Variants in SMARCAL1 observed in about 807,000 individuals in gnomAD.
SMARCAL1 encodes SNF2 related chromatin remodeling annealing helicase 1.
In SMARCAL1, 58 loss-of-function variants were observed where a neutral mutation model predicts 94.5. That is an observed-to-expected ratio of 0.61 (90% CI 0.50 to 0.76). The LOEUF is 0.76. Among genes scored for constraint, SMARCAL1 ranks in the 30% least tolerant of loss-of-function variants. The probability of loss-of-function intolerance (pLI) is 0.00; values close to 1 mark genes in which losing one functional copy is unlikely to be tolerated. For synonymous variants in SMARCAL1, 422 were observed against 455.1 expected (o/e 0.93, Z 0.93); for missense variants, 1,051 against 1,177.9 (o/e 0.89, Z 1.58).
At position 216,447,157 on chromosome 2, in the gene SMARCAL1, G is replaced by C; in HGVS notation, c.1850G>C (p.Arg617Pro). 6.2e-7 allele frequency: 1 copy of C among 1,613,920 alleles called. No individual in the cohort carries two copies. The highest frequency in any genetic ancestry group is 1.7e-5 in the Admixed American group (1 of 60,008). ...GGACTTCGCTACTGTGATGCCAAAC[G>C]GGTATGTATTATCTCTTCCCTCCCA... ...AFGLRYCDAK[R>P]MPWGWDYSGS... is the part of the protein sequence containing the mutation. The change falls in exon 11 of 18, where the codon CGG (arginine) becomes CCG (proline). Residue 617 changes from arginine to proline, a missense_variant and splice_region_variant. By Grantham distance (103) the Arg-to-Pro change is moderately radical. This residue lies in a region of SMARCAL1 where 642 missense variants were observed against 754.7 expected (regional missense o/e 0.85). Coordinates refer to ENST00000357276, the MANE Select transcript of SMARCAL1 (RefSeq NM_014140.4).
In SMARCAL1 at chr2:216,478,281, CACTGATT is replaced by C; in HGVS notation, c.2610_2616del (p.Asp871SerfsTer59). On this transcript the variant is annotated frameshift_variant, in exon 17 of 18. Coordinates refer to ENST00000357276, the MANE Select transcript of SMARCAL1 (RefSeq NM_014140.4). LOFTEE classifies it high-confidence loss of function. ...CCAATTTTTCAGAAATGACAGAATC[CACTGATT>C]ACCTCTACAAGGTAATGCCAGCACA... The C allele has an allele frequency of 6.2e-7, 1 of 1,613,444 alleles. No individual in the cohort carries two copies. The highest frequency in any genetic ancestry group is 8.5e-7 in the Non-Finnish European group (1 of 1,179,402).
chr2:216,451,989 T>C lies in SMARCAL1; in HGVS notation c.2070+925T>C, dbSNP rs115302937. 1.2e-3 allele frequency among the ~76,000 whole-genome samples: 183 copies of C among 152,352 alleles called. 1 individual carries two copies. Among genetic ancestry groups the C allele is most frequent in the African/African-American group, 4.2e-3 (176 of 41,574 alleles). On this transcript the variant is annotated intron_variant, in intron 12 of 17. Coordinates refer to ENST00000357276, the MANE Select transcript of SMARCAL1 (RefSeq NM_014140.4). Reference sequence around the variant, plus strand: ...TGACAAGAGACAGAATGCATGTTTTTCATGTTATTTTACCATGTGATGAGC... The same window carrying C: ...TGACAAGAGACAGAATGCATGTTTTCCATGTTATTTTACCATGTGATGAGC...
At chr2:216,477,080 C>T in intron 15 of SMARCAL1, 29 bp from the exon 16 acceptor site, 1 of 1,541,760 alleles carries the variant, frequency 6.5e-7, no homozygotes. Flanking sequence ...CAGGCCTTTA[C>T]CTGCCTGTCT....
Position 216,475,285 on chromosome 2 carries a change from G to T in SMARCAL1, c.2261G>T (p.Arg754Leu), listed in dbSNP as rs753533155. 3.7e-6 allele frequency: 6 copies of T among 1,614,154 alleles called. No individual in the cohort carries two copies. In the East Asian group the frequency reaches 1.3e-4, roughly 36 times the overall value. Residue 754 changes from arginine to leucine, a missense_variant, in exon 15 of 18, where the codon CGC becomes CTC. Physicochemically the swap from Arg to Leu is moderately radical, Grantham distance 102. Transcript: ENST00000357276. This position sits in a 1 kb window ranked among gnomAD's most constrained non-coding sequence, Gnocchi z 4.4. Reference sequence around the variant, plus strand: ...TTCCTGCAGCACGTGCAGCACATCCGCATCGATGGCTCCACCTCATCAGCT... The same window carrying T: ...TTCCTGCAGCACGTGCAGCACATCCTCATCGATGGCTCCACCTCATCAGCT... The part of the protein sequence containing the change: ...ELERKHVQHI[R>L]IDGSTSSAER...
intron 14 of SMARCAL1, among the ~76,000 whole-genome samples, chr2:216,469,763 G>T (rs1038629077): frequency 6.6e-5 from 10 of 152,268 alleles, no homozygotes; most frequent in South Asian, 2.1e-4. Flanking sequence ...CTCTTGCATG[G>T]TTATTAAATA....
chr2:216,440,530 T>A (rs1694175205), intron 10 of SMARCAL1, among the ~76,000 whole-genome samples: 1 of 152,204 alleles, frequency 6.6e-6, no homozygotes, highest in African/African-American at 2.4e-5. Flanking sequence ...GCTGTAGAAC[T>A]TGGATGAATT....
chr2:216,461,681 T>A (rs1041423016), intron 12 of SMARCAL1, among the ~76,000 whole-genome samples: 7 of 151,970 alleles, frequency 4.6e-5, no homozygotes, highest in African/African-American at 7.3e-5. Context: ...TCCAAAAAAA[T>A]TAGCTGGGCG....
At chr2:216,478,152 C>A in intron 16 of SMARCAL1, 51 bp from the exon 17 acceptor site, 2 of 1,423,520 alleles carry the variant, frequency 1.4e-6, no homozygotes, top group Non-Finnish European at 2.0e-6. Flanking sequence ...TTTCATTAGT[C>A]TGGTGGTTCT....
rs1175679788 is a variant in SMARCAL1 at position 216,451,011 on chromosome 2, A to G, written c.2017A>G (p.Thr673Ala). Residue 673 changes from threonine to alanine, a missense_variant, in exon 12 of 18, where the codon ACC (threonine) becomes GCC (alanine). Physicochemically the swap from Thr to Ala is moderately conservative, Grantham distance 58. Coordinates refer to ENST00000357276, the MANE Select transcript of SMARCAL1 (RefSeq NM_014140.4). ...TGCCCCAGGACGGATCAATGCCAGGACCAGAGCTGCCCTGGATGCTGCAGC... is the reference window on the plus strand; with the variant it reads ...TGCCCCAGGACGGATCAATGCCAGGGCCAGAGCTGCCCTGGATGCTGCAGC... ...VIAPGRINAR[T>A]RAALDAAAKE... The G allele has an allele frequency of 6.2e-7, 1 of 1,614,188 alleles. No homozygotes were observed. The highest frequency in any genetic ancestry group is 8.5e-7 in the Non-Finnish European group (1 of 1,180,016).
chr2:216,420,609 T>G (rs1693698742), intron 5 of SMARCAL1, 77 bp downstream of exon 5: 1 of 1,123,694 alleles, frequency 8.9e-7, no homozygotes, highest in Admixed American at 1.7e-5. Context: ...TTTCTCTACC[T>G]CGAATATTCA....
At chr2:216,444,929 C>T (rs1442521490) in intron 10 of SMARCAL1, among the ~76,000 whole-genome samples, 1 of 152,182 alleles carries the variant, frequency 6.6e-6, no homozygotes, top group African/African-American at 2.4e-5. Context: ...GTTTTCCCAC[C>T]CCCAACCCAC....
rs151322000 is a variant in SMARCAL1 at position 216,439,746 on chromosome 2, A to G, written c.1710+1261A>G. The stretch of plus-strand genomic sequence containing the variant: ...CAGGGTCATGTCATGTGCCAAACCA[A>G]AGAATAAAAGTCTTTTACTGCAAAA... On this transcript the variant is annotated intron_variant, in intron 10 of 17. Transcript: ENST00000357276. Among the ~76,000 whole-genome samples the G allele has an allele frequency of 5.1e-3, 780 of 152,330 alleles. 5 individuals carry two copies. Among genetic ancestry groups the G allele is most frequent in the African/African-American group, 0.018 (734 of 41,586 alleles).
At chr2:216,456,823 G>A (rs1455411372) in intron 12 of SMARCAL1, among the ~76,000 whole-genome samples, 1 of 152,124 alleles carries the variant, frequency 6.6e-6, no homozygotes, top group Non-Finnish European at 1.5e-5. Flanking sequence ...CATAATGACA[G>A]GATCAAATTC....
chr2:216,476,524 G>A lies in SMARCAL1; in HGVS notation c.2428-585G>A, dbSNP rs532123843. On this transcript the variant is annotated intron_variant, in intron 15 of 17. Transcript: ENST00000357276. ...GATGGGGTTTCACCATGTTGCTCAA[G>A]CTGTTCTGGAACTCCTGGGCTCAAG... Among the ~76,000 whole-genome samples, 33 of 152,216 alleles carry A rather than the reference G, an allele frequency of 2.2e-4. No homozygotes were observed. In the East Asian group the frequency reaches 5.4e-3, roughly 25 times the overall value.
chr2:216,465,283 G>T (rs1325360101), intron 13 of SMARCAL1, among the ~76,000 whole-genome samples: 2 of 152,186 alleles, frequency 1.3e-5, no homozygotes, highest in Non-Finnish European at 2.9e-5. Context: ...AGCCAAGTAG[G>T]CTGGAGCTGC....
intron 12 of SMARCAL1, among the ~76,000 whole-genome samples, chr2:216,463,638 T>C (rs898577586): frequency 2.6e-5 from 4 of 152,218 alleles, no homozygotes; most frequent in Non-Finnish European, 5.9e-5. Context: ...GCATTCTTTA[T>C]TAGGAGTCAC....
chr2:216,453,475 C>G (rs781206803), intron 12 of SMARCAL1, among the ~76,000 whole-genome samples: 14 of 152,120 alleles, frequency 9.2e-5, no homozygotes, highest in Non-Finnish European at 2.1e-4. Flanking sequence ...ATTTCTAAAG[C>G]CATTGATTTA....
At chr2:216,449,709 A>C (rs569599560) in intron 11 of SMARCAL1, among the ~76,000 whole-genome samples, 1 of 152,302 alleles carries the variant, frequency 6.6e-6, no homozygotes, top group South Asian at 2.1e-4. Context: ...CTCATCAGCC[A>C]GGAGGGGAGA....
chr2:216,424,952 G>A (rs1048323379), intron 6 of SMARCAL1, among the ~76,000 whole-genome samples: 10 of 152,018 alleles, frequency 6.6e-5, no homozygotes, highest in Admixed American at 3.3e-4. Flanking sequence ...GCAGGGTCTC[G>A]CTGTCACCCA....
Sources: allele counts gnomAD v4.1 joint callset (sites outside exome capture counted in the v4.1 genomes callset), GRCh38; gene constraint gnomAD v4.1.1; regional missense constraint gnomAD v4.1.1; non-coding constraint Gnocchi (gnomAD v3.1); transcripts MANE v1.5; gene names NCBI Gene and HGNC (gene_info 2026-07-23, HGNC 2026-07-21).